C4orf50: variants seen among roughly 807,000 people sequenced by gnomAD.
The protein encoded by C4orf50 is chromosome 4 open reading frame 50.
A neutral mutation model predicts 77.2 loss-of-function variants in C4orf50; 80 were observed. The observed-to-expected ratio is 1.04, with a 90% CI of 0.87 to 1.25. C4orf50 has a LOEUF of 1.25. C4orf50 is among the 50% of genes most tolerant of loss of function. The pLI is 0.00. For missense variants in C4orf50, 1,257 were observed against 1,152.9 expected, an observed-to-expected ratio of 1.09 and a Z score of -1.31; for synonymous variants, 532 against 465.3, an observed-to-expected ratio of 1.14 and a Z score of -1.84.
chr4:6,010,001 A>G (rs1489915759), intron 24 of C4orf50, among the ~76,000 whole-genome samples: 1 of 152,130 alleles, frequency 6.6e-6, no homozygotes, highest in Non-Finnish European at 1.5e-5. Flanking sequence ...CCCCTGCAGA[A>G]ACTGCTGGTC....
intron 7 of C4orf50, among the ~76,000 whole-genome samples, chr4:5,914,210 T>TTG (rs1553912069): frequency 0.059 from 4,795 of 81,814 alleles, 248 homozygotes; most frequent in African/African-American, 0.12. Flanking sequence ...TGGGTGTTTT[T>TTG]TTTTTTTTTT....
At chr4:5,963,101 A>C (rs59124839) in intron 33 of C4orf50, among the ~76,000 whole-genome samples, 48,960 of 150,486 alleles carry the variant, frequency 0.33, 8,105 homozygotes, top group Admixed American at 0.43. Context: ...TCCCAGGTTC[A>C]AGCAATTCTG....
chr4:5,981,840 T>C (rs1577962731), intron 28 of C4orf50, among the ~76,000 whole-genome samples: 1 of 152,108 alleles, frequency 6.6e-6, no homozygotes, highest in South Asian at 2.1e-4. Context: ...CCCCTTGTGA[T>C]GGCAGTTCCC....
chr4:5,942,510 G>A (rs752297108), intron 7 of C4orf50, among the ~76,000 whole-genome samples: 8 of 152,236 alleles, frequency 5.3e-5, no homozygotes, highest in Admixed American at 2.0e-4. Flanking sequence ...CACAAAGTAA[G>A]TAGTGGGGAT....
At position 5,905,097 on chromosome 4, in the gene C4orf50, A is replaced by T. The variant is rs1716492782; in HGVS notation, c.*2475-6909T>A. ...TCAAGTAGGCATATGACCCTCAAAC[A>T]GACGAAGAAGAGGATGTTGGAAGAA... On this transcript the variant is annotated intron_variant, in intron 7 of 7. Transcript: ENST00000324058. This position sits in a 1 kb window ranked among gnomAD's most constrained non-coding sequence, Gnocchi z 5.4. The T allele has an allele frequency of 6.6e-6, 1 of 152,258 alleles. No individual in the cohort carries two copies. Among genetic ancestry groups the T allele is most frequent in the South Asian group, 2.1e-4 (1 of 4,830 alleles). 9.4% of individuals were successfully genotyped at this position (152,258 alleles called of 1,614,324 possible). A position where few individuals can be genotyped will look rare whatever the true frequency, so the allele number is the denominator to read the frequency against.
At chr4:5,930,140 G>A (rs895016086) in intron 7 of C4orf50, among the ~76,000 whole-genome samples, 1 of 152,212 alleles carries the variant, frequency 6.6e-6, no homozygotes, top group Non-Finnish European at 1.5e-5. Context: ...GCAGCACTGA[G>A]AATCGGGGAG....
At chr4:5,906,385 C>T (rs1332610513) in intron 7 of C4orf50, among the ~76,000 whole-genome samples, 1 of 152,058 alleles carries the variant, frequency 6.6e-6, no homozygotes, top group Non-Finnish European at 1.5e-5. Flanking sequence ...GCAGAGGAAA[C>T]AGGTTGGGCA....
rs1157122347 is a variant in C4orf50, at chr4:5,966,657, AGG to A, written c.4153+755_4153+756del. Among the ~76,000 whole-genome samples, 269 of 93,512 alleles carry A rather than the reference AGG, an allele frequency of 2.9e-3. 2 individuals carry two copies. The South Asian group carries it at 0.037, about 13-fold the overall frequency. The allele number at this position is 93,512 out of a possible 152,430, so 61.3% of individuals were successfully genotyped here. A position where few individuals can be genotyped will look rare whatever the true frequency, so the allele number is the denominator to read the frequency against. On this transcript the variant is annotated intron_variant, in intron 32 of 33. Transcript: ENST00000531445. ...TATATGAAACATTCCATATCTTAAGAGGTTTTTTTTTTTTTCGGAGTCTTGCT... is the reference window on the plus strand; with the variant it reads ...TATATGAAACATTCCATATCTTAAGATTTTTTTTTTTTTCGGAGTCTTGCT...
chr4:5,977,197 G>A (rs542276239), intron 29 of C4orf50, among the ~76,000 whole-genome samples: 2 of 152,300 alleles, frequency 1.3e-5, no homozygotes, highest in East Asian at 3.9e-4. Flanking sequence ...TGATCCCCTG[G>A]AGGGCGGAAC....
At chr4:5,976,713 GGTGA>G (rs1720308212) in intron 29 of C4orf50, among the ~76,000 whole-genome samples, 1 of 152,232 alleles carries the variant, frequency 6.6e-6, no homozygotes, top group Admixed American at 6.5e-5. Context: ...CCCACCCACT[GGTGA>G]GAACTGTAGT....
Position 5,982,948 on chromosome 4 carries a change from C to T in C4orf50, c.3700-2610G>A, listed in dbSNP as rs566300847. On this transcript the variant is annotated intron_variant, in intron 28 of 33. Coordinates refer to ENST00000531445, the Ensembl canonical transcript of C4orf50. ...TATAAGCAGCAACAGTGGAAGCTCCCGAGAGTCTCAGGGGCCAGAGCACTG... is the reference window on the plus strand; with the variant it reads ...TATAAGCAGCAACAGTGGAAGCTCCTGAGAGTCTCAGGGGCCAGAGCACTG... 2.6e-3 allele frequency among the ~76,000 whole-genome samples: 393 copies of T among 152,186 alleles called. 2 individuals are homozygous for T. The highest frequency in any genetic ancestry group is 2.5e-3 in the Non-Finnish European group (169 of 67,988).
At chr4:5,956,372 C>T (rs143192533), downstream of C4orf50, among the ~76,000 whole-genome samples, 47 of 152,360 alleles carry the variant, frequency 3.1e-4, no homozygotes, top group African/African-American at 1.0e-3. Context: ...GTCAGCCGCC[C>T]ACTCCACGGC....
chr4:5,980,863 T>G (rs1720548116), intron 28 of C4orf50, among the ~76,000 whole-genome samples: 1 of 152,212 alleles, frequency 6.6e-6, no homozygotes, highest in Admixed American at 6.5e-5. Context: ...ACAGGCACTT[T>G]TCTTAAATGA....
chr4:5,931,940 T>A (rs541947474), intron 7 of C4orf50, among the ~76,000 whole-genome samples: 2 of 152,126 alleles, frequency 1.3e-5, no homozygotes, highest in South Asian at 4.2e-4. Context: ...GGGAGCCAAA[T>A]TGTGCAAGCC....
At chr4:5,954,695 G>A (rs926450039), downstream of C4orf50, among the ~76,000 whole-genome samples, 15 of 152,108 alleles carry the variant, frequency 9.9e-5, no homozygotes, top group Admixed American at 9.2e-4. This position sits in a 1 kb window ranked among gnomAD's most constrained non-coding sequence, Gnocchi z 4.7. Context: ...ACTGGTCCAA[G>A]CAGCAGGGAT....
intron 7 of C4orf50, among the ~76,000 whole-genome samples, chr4:5,946,358 G>A (rs891922988): frequency 6.6e-6 from 1 of 152,208 alleles, no homozygotes; most frequent in Non-Finnish European, 1.5e-5. Context: ...CACCCCCTGT[G>A]CTGAATATGA....
intron 31 of C4orf50, among the ~76,000 whole-genome samples, chr4:5,973,355 AC>A (rs1720042016): frequency 6.6e-6 from 1 of 152,166 alleles, no homozygotes; most frequent in Non-Finnish European, 1.5e-5. Flanking sequence ...GGCACAAAAG[AC>A]CCATCCTGTG....
At chr4:5,927,077 T>G (rs1441530090) in intron 7 of C4orf50, among the ~76,000 whole-genome samples, 2 of 152,156 alleles carry the variant, frequency 1.3e-5, no homozygotes, top group African/African-American at 4.8e-5. Context: ...AGGGAGCAGA[T>G]GCATGCTTGT....
chr4:5,973,851 A>T lies in C4orf50; in HGVS notation c.3922-10T>A, dbSNP rs774740675. 1 of 1,601,764 alleles carries T rather than the reference A, an allele frequency of 6.2e-7. No individual in the cohort carries two copies. Among genetic ancestry groups the T allele is most frequent in the Non-Finnish European group, 8.5e-7 (1 of 1,172,558 alleles). On this transcript the variant is annotated splice_polypyrimidine_tract_variant and intron_variant, in intron 30 of 33. Transcript: ENST00000531445. ...GGGAAGCTATCTTGGCCTGAAAGGG[A>T]GGGAGGCCATGGATGCAGAGCTCCC...
Sources: allele counts gnomAD v4.1 joint callset (sites outside exome capture counted in the v4.1 genomes callset), GRCh38; gene constraint gnomAD v4.1.1; non-coding constraint Gnocchi (gnomAD v3.1); transcripts MANE v1.5; gene names NCBI Gene and HGNC (gene_info 2026-07-23, HGNC 2026-07-21).